CDH18: variants seen among roughly 807,000 people sequenced by gnomAD.
CDH18 encodes cadherin-18.
In CDH18, 31 loss-of-function variants were observed where a neutral mutation model predicts 67.9. The ratio of observed to expected loss-of-function variants is 0.46; its 90% CI spans 0.34 to 0.62. The LOEUF is 0.62. Ranked by LOEUF, CDH18 falls within the 20% of genes least tolerant of loss-of-function variation. The probability of loss-of-function intolerance (pLI) is 0.01; values close to 1 mark genes in which losing one functional copy is unlikely to be tolerated. For synonymous variants in CDH18, 362 were observed against 347.2 expected (o/e 1.04, Z -0.48); for missense variants, 890 against 975.5 (o/e 0.91, Z 1.17).
rs577191042 is a variant in CDH18, at chr5:19,826,869, C to T, written c.228+11890G>A. ...CTAACAACAAAATGACAGGATGAAA[C>T]CTGCACATATCAATATTAACCTCGA... On this transcript the variant is annotated intron_variant, in intron 3 of 12. Transcript: ENST00000382275. Among the ~76,000 whole-genome samples the T allele has an allele frequency of 2.5e-4, 38 of 152,082 alleles. No homozygotes were observed. In the South Asian group the frequency reaches 7.9e-3, roughly 32 times the overall value.
intron 10 of CDH18, among the ~76,000 whole-genome samples, chr5:19,513,732 GA>G (rs1745479914): frequency 6.6e-6 from 1 of 151,884 alleles, no homozygotes. Context: ...CTGTTTCCTA[GA>G]AATTTTTATA....
At chr5:20,073,028 G>C (rs1743621023) in intron 2 of CDH18, among the ~76,000 whole-genome samples, 1 of 151,816 alleles carries the variant, frequency 6.6e-6, no homozygotes, top group Non-Finnish European at 1.5e-5. Flanking sequence ...ATATTTCTTA[G>C]TGTTTTTCTC....
chr5:19,828,784 C>A (rs1476955889), intron 3 of CDH18, among the ~76,000 whole-genome samples: 1 of 152,138 alleles, frequency 6.6e-6, no homozygotes, highest in Non-Finnish European at 1.5e-5. Context: ...TGCCTGTAAC[C>A]CCAGTACTTT....
chr5:20,384,033 C>G (rs1364310392), intron 1 of CDH18, among the ~76,000 whole-genome samples: 1 of 151,958 alleles, frequency 6.6e-6, no homozygotes, highest in Non-Finnish European at 1.5e-5. Flanking sequence ...AAATATTTAG[C>G]AAGCAGTAAA....
intron 7 of CDH18, among the ~76,000 whole-genome samples, chr5:19,584,501 G>C (rs886715589): frequency 1.3e-5 from 2 of 152,036 alleles, no homozygotes; most frequent in African/African-American, 4.8e-5. Context: ...ATCCACTCAG[G>C]TATACAGGTT....
In CDH18 at chr5:20,104,029, T is replaced by C. The variant is rs1009607050; in HGVS notation, c.-517-112015A>G. ...GGTATAAATATAGATACAGGTATCA[T>C]TATGAATATGACTATAGATGGTTAT... On this transcript the variant is annotated intron_variant, in intron 2 of 14. Coordinates refer to the CDH18 transcript ENST00000507958. Among the ~76,000 whole-genome samples, 9 of 151,032 alleles carry C rather than the reference T, an allele frequency of 6.0e-5. No individual in the cohort carries two copies. The East Asian group carries it at 1.7e-3, about 29-fold the overall frequency.
At chr5:20,354,976 G>C (rs532126944) in intron 1 of CDH18, among the ~76,000 whole-genome samples, 1 of 152,042 alleles carries the variant, frequency 6.6e-6, no homozygotes. Context: ...TTTACTACGA[G>C]GGCCAATTAC....
chr5:20,378,207 G>A (rs1161917991), intron 1 of CDH18, among the ~76,000 whole-genome samples: 2 of 152,022 alleles, frequency 1.3e-5, no homozygotes, highest in African/African-American at 4.8e-5. Context: ...AGAGTCTCCC[G>A]CTGTCGTCCA....
chr5:20,097,170 C>A (rs1445083519), intron 2 of CDH18, among the ~76,000 whole-genome samples: 1 of 152,050 alleles, frequency 6.6e-6, no homozygotes, highest in Admixed American at 6.6e-5. Flanking sequence ...TATGTGTAAG[C>A]CTTCAGTTTT....
At chr5:19,573,631 A>G (rs1287484692) in intron 7 of CDH18, among the ~76,000 whole-genome samples, 1 of 152,126 alleles carries the variant, frequency 6.6e-6, no homozygotes, top group Admixed American at 6.6e-5. Context: ...TCTTTCCTTG[A>G]ATCCTTCCTC....
intron 3 of CDH18, among the ~76,000 whole-genome samples, chr5:19,753,893 A>G (rs937225577): frequency 6.6e-6 from 1 of 152,172 alleles, no homozygotes; most frequent in African/African-American, 2.4e-5. Flanking sequence ...TCATATATGA[A>G]AGAAAGATAC....
At chr5:20,271,924 CAGAGAG>C (rs201955881) in intron 1 of CDH18, among the ~76,000 whole-genome samples, 34 of 146,640 alleles carry the variant, frequency 2.3e-4, no homozygotes, top group South Asian at 2.0e-3. Context: ...TGTAGAGAGG[CAGAGAG>C]AGAGAGAGAG....
At chr5:20,488,926 CT>C (rs1476720445) in intron 1 of CDH18, among the ~76,000 whole-genome samples, 2 of 151,884 alleles carry the variant, frequency 1.3e-5, no homozygotes, top group Non-Finnish European at 2.9e-5. Flanking sequence ...TGGTGACAAA[CT>C]GCTTTTCATA....
intron 2 of CDH18, among the ~76,000 whole-genome samples, chr5:19,932,478 T>C (rs1219575672): frequency 6.6e-6 from 1 of 151,664 alleles, no homozygotes; most frequent in African/African-American, 2.4e-5. Context: ...TAGCTGTCTA[T>C]CCCCTATCTC....
chr5:20,231,682 C>T (rs941971626), intron 2 of CDH18, among the ~76,000 whole-genome samples: 2 of 151,918 alleles, frequency 1.3e-5, no homozygotes, highest in African/African-American at 4.8e-5. Flanking sequence ...CATCGTTTTA[C>T]AAATTTTGAA....
At chr5:20,186,226 T>C (rs1473988419) in intron 2 of CDH18, among the ~76,000 whole-genome samples, 1 of 152,022 alleles carries the variant, frequency 6.6e-6, no homozygotes, top group Non-Finnish European at 1.5e-5. Flanking sequence ...AACATTGTCA[T>C]GGCATTGGAT....
At chr5:19,724,760 T>A (rs1766580220) in intron 4 of CDH18, among the ~76,000 whole-genome samples, 5 of 152,162 alleles carry the variant, frequency 3.3e-5, no homozygotes, top group Admixed American at 3.3e-4. Context: ...TACTCCATTC[T>A]TAGAGAGGTA....
Position 19,475,642 on chromosome 5 carries a change from C to T in CDH18, c.1883-1926G>A, listed in dbSNP as rs553150596. 5.9e-5 allele frequency among the ~76,000 whole-genome samples: 9 copies of T among 152,036 alleles called. 1 individual carries two copies. Among genetic ancestry groups the T allele is most frequent in the African/African-American group, 2.2e-4 (9 of 41,488 alleles). The stretch of plus-strand genomic sequence containing the variant: ...GCAAATATTGTGCTAAGCATACATG[C>T]ATATGTTCCAAATATTATTATATTA... On this transcript the variant is annotated intron_variant, in intron 12 of 12. Coordinates refer to ENST00000382275, the MANE Select transcript of CDH18 (RefSeq NM_004934.5).
At chr5:19,898,978 T>C (rs1341062036) in intron 2 of CDH18, among the ~76,000 whole-genome samples, 1 of 152,070 alleles carries the variant, frequency 6.6e-6, no homozygotes, top group Non-Finnish European at 1.5e-5. Flanking sequence ...AATAACCCAA[T>C]TAAAAAGTGA....
Sources: allele counts gnomAD v4.1 joint callset (sites outside exome capture counted in the v4.1 genomes callset), GRCh38; gene constraint gnomAD v4.1.1; transcripts MANE v1.5; gene names NCBI Gene and HGNC (gene_info 2026-07-23, HGNC 2026-07-21).